The following TTC7A variants were observed in gnomAD, a reference collection of about 807,000 sequenced individuals.
TTC7A encodes tetratricopeptide repeat protein 7A.
A neutral mutation model predicts 103.7 loss-of-function variants in TTC7A; 110 were observed. The observed-to-expected ratio is 1.06, with a 90% CI of 0.91 to 1.24. The LOEUF (loss-of-function observed/expected upper bound fraction) is 1.24. Ranked by LOEUF, TTC7A falls within the 50% of genes most tolerant of loss-of-function variation. The pLI is 0.00. For synonymous variants in TTC7A, 521 were observed against 467.9 expected (o/e 1.11, Z -1.47); for missense variants, 1,340 against 1,116.3 (o/e 1.20, Z -2.86).
At chr2:47,024,637 C>T (rs1354164833) in intron 14 of TTC7A, among the ~76,000 whole-genome samples, 1 of 152,062 alleles carries the variant, frequency 6.6e-6, no homozygotes, top group Non-Finnish European at 1.5e-5. Flanking sequence ...GATGAGTGAC[C>T]ACCTGTCACT....
chr2:47,030,297 G>A (rs1377051852), intron 15 of TTC7A, among the ~76,000 whole-genome samples: 1 of 152,212 alleles, frequency 6.6e-6, no homozygotes, highest in Non-Finnish European at 1.5e-5. Context: ...GGAAAAAATT[G>A]CTGGGTGATG....
intron 19 of TTC7A, among the ~76,000 whole-genome samples, chr2:47,072,668 G>T (rs1684860455): frequency 6.6e-6 from 1 of 152,226 alleles, no homozygotes; most frequent in East Asian, 1.9e-4. Context: ...CGCCTGTCCA[G>T]GAAGTCGGTG....
intron 2 of TTC7A, among the ~76,000 whole-genome samples, chr2:46,918,694 T>C (rs916903232): frequency 1.3e-5 from 2 of 152,254 alleles, no homozygotes; most frequent in Admixed American, 6.5e-5. Context: ...TGTCACTTGC[T>C]GGACCTTGGA....
intron 2 of TTC7A, among the ~76,000 whole-genome samples, chr2:46,955,369 C>T (rs1000935139): frequency 2.0e-5 from 3 of 152,190 alleles, no homozygotes; most frequent in Admixed American, 1.3e-4. Context: ...TCTGGGAAGA[C>T]TAGCAAATCC....
At chr2:47,066,315 C>T (rs968199307) in intron 19 of TTC7A, among the ~76,000 whole-genome samples, 7 of 152,252 alleles carry the variant, frequency 4.6e-5, no homozygotes, top group South Asian at 2.1e-4. Context: ...TCATCCCTCA[C>T]CCCAGGCTGT....
chr2:47,032,249 C>T (rs1306508659), intron 15 of TTC7A, among the ~76,000 whole-genome samples: 2 of 152,188 alleles, frequency 1.3e-5, no homozygotes, highest in African/African-American at 4.8e-5. Context: ...AGCCTGAGTC[C>T]ATGGAAATGG....
chr2:47,053,417 G>T (rs1683034295), intron 18 of TTC7A, among the ~76,000 whole-genome samples: 1 of 152,248 alleles, frequency 6.6e-6, no homozygotes. Flanking sequence ...TTTAAGGAAT[G>T]CAGCGTAACA....
chr2:46,975,274 C>T (rs968595580), intron 4 of TTC7A, among the ~76,000 whole-genome samples, 171 bp downstream of exon 4: 1 of 152,184 alleles, frequency 6.6e-6, no homozygotes. Flanking sequence ...ATACTGATTC[C>T]ACTAGAATGA....
intron 15 of TTC7A, among the ~76,000 whole-genome samples, chr2:47,031,906 G>C (rs1572968871): frequency 6.6e-6 from 1 of 152,256 alleles, no homozygotes. Context: ...GGACCCACTC[G>C]TGGCTCCCCA....
intron 2 of TTC7A, chr2:46,951,471 A>G (rs1671398351): frequency 2.3e-6 from 1 of 428,350 alleles, no homozygotes; most frequent in African/African-American, 2.0e-5. Context: ...GAAACTCAAA[A>G]GAGGAGGGGG....
rs1301420520 is a variant in TTC7A at position 47,029,281 on chromosome 2, C to T, written c.1699C>T (p.His567Tyr). 3 of 1,613,960 alleles carry T rather than the reference C, an allele frequency of 1.9e-6. No homozygotes were observed. The Admixed American group carries it at 5.0e-5, about 27-fold the overall frequency. The change falls in exon 15 of 20, where the codon CAC becomes TAC. Residue 567 changes from histidine (H) to tyrosine (Y), a missense_variant. Transcript: ENST00000319190. ...EALKVRKDDA[H>Y]ALHLLALLFS... ...CCTGAAGGTACGCAAGGATGATGCCCACGCCCTCCACCTGCTGGCACTGCT... is the reference window on the plus strand; with the variant it reads ...CCTGAAGGTACGCAAGGATGATGCCTACGCCCTCCACCTGCTGGCACTGCT...
chr2:47,011,544 G>C, intron 11 of TTC7A, 109 bp downstream of exon 11: 1 of 853,104 alleles, frequency 1.2e-6, no homozygotes, highest in South Asian at 1.8e-5. Flanking sequence ...AAGGTGGAAA[G>C]GATGGGAGCT....
chr2:46,929,882 A>G (rs72886682), intron 2 of TTC7A, among the ~76,000 whole-genome samples: 4,193 of 152,322 alleles, frequency 0.028, 113 homozygotes, highest in African/African-American at 0.067. Context: ...AAGAATCAAC[A>G]TATGGTTCAC....
intron 2 of TTC7A, among the ~76,000 whole-genome samples, chr2:46,928,475 A>C (rs1558477954): frequency 2.6e-5 from 4 of 151,392 alleles, no homozygotes; most frequent in South Asian, 2.1e-4. Flanking sequence ...AAAAAAAAAA[A>C]AAAAAAAAAA....
chr2:47,020,519 T>G (rs1462058483), intron 11 of TTC7A, among the ~76,000 whole-genome samples: 1 of 152,170 alleles, frequency 6.6e-6, no homozygotes, highest in Non-Finnish European at 1.5e-5. Flanking sequence ...ATCCTTCCAG[T>G]GGCCAGCCCA....
At chr2:47,046,895 C>G in intron 16 of TTC7A, 1 of 242,204 alleles carries the variant, frequency 4.1e-6, no homozygotes. Context: ...GAGCCTGTCA[C>G]TTCTTTCCTC....
At chr2:47,005,594 A>G (rs574151793) in intron 8 of TTC7A, among the ~76,000 whole-genome samples, 24 of 152,256 alleles carry the variant, frequency 1.6e-4, no homozygotes, top group Non-Finnish European at 3.1e-4. Context: ...AGAGAGGAAC[A>G]TTGAGGAAGG....
intron 18 of TTC7A, among the ~76,000 whole-genome samples, chr2:47,059,009 CTTTTTTTTTTTTTTT>C (rs35753980): frequency 4.5e-4 from 20 of 44,702 alleles, no homozygotes; most frequent in African/African-American, 2.3e-3. Flanking sequence ...CCTAAGCCTG[CTTTTTTTTTTTTTTT>C]TTTTTTTTTT....
At chr2:46,985,025 C>G (rs1008781534) in intron 5 of TTC7A, among the ~76,000 whole-genome samples, 1 of 152,198 alleles carries the variant, frequency 6.6e-6, no homozygotes, top group African/African-American at 2.4e-5. Flanking sequence ...CCCACCCTCC[C>G]TAGAGCCTGC....
Sources: allele counts gnomAD v4.1 joint callset (sites outside exome capture counted in the v4.1 genomes callset), GRCh38; gene constraint gnomAD v4.1.1; transcripts MANE v1.5; gene names NCBI Gene and HGNC (gene_info 2026-07-23, HGNC 2026-07-21).